CUEDC1: variants seen among roughly 807,000 people sequenced by gnomAD.
CUEDC1 encodes CUE domain-containing protein 1.
Under a neutral mutation model 43.7 loss-of-function variants are expected in CUEDC1, and 30 were observed. The observed-to-expected ratio is 0.69, with a 90% CI of 0.51 to 0.93. CUEDC1 has a LOEUF of 0.93. Among genes scored for constraint, CUEDC1 ranks in the 40% least tolerant of loss-of-function variants. The pLI is 0.00. For missense variants in CUEDC1, 486 were observed against 549.0 expected (o/e 0.89, Z 1.15); for synonymous variants, 223 against 223.6 (o/e 1.00, Z 0.02).
intron 10 of CUEDC1, among the ~76,000 whole-genome samples, chr17:57,865,220 A>C (rs2073940147): frequency 6.6e-6 from 1 of 152,182 alleles, no homozygotes; most frequent in East Asian, 1.9e-4. Flanking sequence ...GGCAGGCTCT[A>C]TCTGGGCATT....
At chr17:57,878,134 G>A (rs1240623537) in intron 3 of CUEDC1, among the ~76,000 whole-genome samples, 5 of 152,078 alleles carry the variant, frequency 3.3e-5, no homozygotes, top group African/African-American at 9.7e-5. Context: ...TATGAGCTCC[G>A]TAAGCTGCAA....
chr17:57,952,418 G>T (rs2075015707), intron 1 of CUEDC1, among the ~76,000 whole-genome samples: 1 of 151,896 alleles, frequency 6.6e-6, no homozygotes, highest in Admixed American at 6.6e-5. Flanking sequence ...GTAGAGACGG[G>T]GTTTCACCAT....
intron 1 of CUEDC1, among the ~76,000 whole-genome samples, chr17:57,949,724 C>T (rs755400128): frequency 7.2e-5 from 11 of 151,902 alleles, no homozygotes; most frequent in Admixed American, 1.3e-4. Flanking sequence ...AGATACATGC[C>T]ACCACGCCTA....
At chr17:57,951,277 T>C (rs2075004425) in intron 1 of CUEDC1, among the ~76,000 whole-genome samples, 1 of 152,210 alleles carries the variant, frequency 6.6e-6, no homozygotes, top group Non-Finnish European at 1.5e-5. Flanking sequence ...GAGATCTCTT[T>C]TAACTCTTTC....
Position 57,870,276 on chromosome 17 carries a change from C to T in CUEDC1, c.868+1010G>A, listed in dbSNP as rs568424307. On this transcript the variant is annotated intron_variant, in intron 6 of 10. Coordinates refer to ENST00000577830, the MANE Select transcript of CUEDC1 (RefSeq NM_001271875.2). The stretch of plus-strand genomic sequence containing the variant: ...AGCTGTGGCTCAACCCAGTAGTCTG[C>T]GCATCCCAGGAGCACTGCAGCCCCC... 2.6e-3 allele frequency among the ~76,000 whole-genome samples: 403 copies of T among 152,352 alleles called. 1 individual carries two copies. The highest frequency in any genetic ancestry group is 9.5e-3 in the African/African-American group (395 of 41,572).
chr17:57,897,458 A>G (rs184129395), intron 1 of CUEDC1, among the ~76,000 whole-genome samples: 4 of 150,594 alleles, frequency 2.7e-5, no homozygotes, highest in African/African-American at 9.7e-5. Context: ...ATCACAAGGT[A>G]GGGAGATTCA....
chr17:57,878,384 G>A (rs1181948548), intron 3 of CUEDC1, among the ~76,000 whole-genome samples: 1 of 152,200 alleles, frequency 6.6e-6, no homozygotes, highest in African/African-American at 2.4e-5. Flanking sequence ...AGGGTGCTTA[G>A]TCAATGCTAG....
intron 6 of CUEDC1, among the ~76,000 whole-genome samples, chr17:57,869,535 C>A (rs1224150199): frequency 6.6e-6 from 1 of 152,190 alleles, no homozygotes; most frequent in Non-Finnish European, 1.5e-5. Flanking sequence ...TCACCAAGCA[C>A]TACATATCAG....
At chr17:57,865,100 T>C (rs1054819773) in intron 10 of CUEDC1, among the ~76,000 whole-genome samples, 3 of 151,964 alleles carry the variant, frequency 2.0e-5, no homozygotes, top group Non-Finnish European at 2.9e-5. Context: ...GATGAGCAAG[T>C]TTCTGATGTA....
intron 1 of CUEDC1, among the ~76,000 whole-genome samples, chr17:57,895,473 A>C (rs1402275753): frequency 4.6e-5 from 7 of 152,230 alleles, no homozygotes; most frequent in Admixed American, 4.6e-4. Context: ...GCAAAGGAGA[A>C]GACAAAACAG....
chr17:57,896,487 G>GGGGGGGTGTGTGT (rs375270781), intron 1 of CUEDC1, among the ~76,000 whole-genome samples: 18 of 130,372 alleles, frequency 1.4e-4, no homozygotes, highest in Non-Finnish European at 2.9e-4. Context: ...TGCATTATGG[G>GGGGGGGTGTGTGT]GTGTGTGTGT....
chr17:57,895,113 C>T (rs2074395013), intron 1 of CUEDC1, among the ~76,000 whole-genome samples: 1 of 152,230 alleles, frequency 6.6e-6, no homozygotes, highest in African/African-American at 2.4e-5. Flanking sequence ...TGCATGTTAA[C>T]TCTCTTCATC....
At chr17:57,868,043 G>A (rs1360580682) in intron 8 of CUEDC1, 107 bp downstream of exon 8, 15 of 895,680 alleles carry the variant, frequency 1.7e-5, no homozygotes, top group African/African-American at 3.3e-5. Flanking sequence ...CCACAGAGCC[G>A]GGTTCCACTC....
At chr17:57,904,526 C>T (rs574138873) in intron 1 of CUEDC1, among the ~76,000 whole-genome samples, 1 of 152,310 alleles carries the variant, frequency 6.6e-6, no homozygotes, top group South Asian at 2.1e-4. Context: ...AGGCTTTGAG[C>T]AAGCCTTATA....
Position 57,889,685 on chromosome 17 carries a change from G to A in CUEDC1, c.-315-3806C>T, listed in dbSNP as rs116420339. On this transcript the variant is annotated intron_variant, in intron 1 of 10. Transcript: ENST00000577830. Reference sequence around the variant, plus strand: ...GGGTGGTTCTGTGGATGAGGAGAGTGGCTCAGAAACAGTAATGGGAAACAC... The same window carrying A: ...GGGTGGTTCTGTGGATGAGGAGAGTAGCTCAGAAACAGTAATGGGAAACAC... Among the ~76,000 whole-genome samples the A allele has an allele frequency of 7.3e-3, 1,107 of 152,324 alleles. 12 individuals carry two copies. Among genetic ancestry groups the A allele is most frequent in the African/African-American group, 0.025 (1,048 of 41,566 alleles).
intron 1 of CUEDC1, among the ~76,000 whole-genome samples, chr17:57,900,193 A>G (rs950468431): frequency 6.6e-6 from 1 of 152,192 alleles, no homozygotes; most frequent in African/African-American, 2.4e-5. Context: ...TCCCATAACC[A>G]GCTTCCTTTC....
chr17:57,866,456 T>A lies in CUEDC1; in HGVS notation c.*3+18A>T, dbSNP rs756617858. 6.8e-6 allele frequency: 11 copies of A among 1,613,414 alleles called. No individual in the cohort carries two copies. In the East Asian group the frequency reaches 2.5e-4, roughly 36 times the overall value. ...TGGCCTTGGGCAGTCCCTGGGTTGC[T>A]ATGGCTCCAGGCCTTACCTCTTACT... On this transcript the variant is annotated intron_variant, in intron 10 of 10. Coordinates refer to ENST00000577830, the MANE Select transcript of CUEDC1 (RefSeq NM_001271875.2).
intron 1 of CUEDC1, among the ~76,000 whole-genome samples, chr17:57,953,763 C>T (rs1363654855): frequency 3.3e-5 from 5 of 152,170 alleles, no homozygotes; most frequent in South Asian, 2.1e-4. Flanking sequence ...GGGCCATCCT[C>T]GCTGTCCAGG....
At chr17:57,893,599 C>T (rs1187679345) in intron 1 of CUEDC1, among the ~76,000 whole-genome samples, 1 of 151,894 alleles carries the variant, frequency 6.6e-6, no homozygotes, top group Non-Finnish European at 1.5e-5. Flanking sequence ...GCCCCCAGAG[C>T]TGCTGGGCAG....
Sources: gnomAD v4.1 joint callset for allele counts (sites outside exome capture counted in the v4.1 genomes callset) on GRCh38, gnomAD v4.1.1 for gene constraint, MANE v1.5 for transcripts, NCBI Gene and HGNC (gene_info 2026-07-23, HGNC 2026-07-21) for gene names.